The following RAPGEF2 variants were observed in gnomAD, a reference collection of about 807,000 sequenced individuals.
RAPGEF2 encodes the protein PDZ domain containing guanine nucleotide exchange factor (GEF) 1.
In RAPGEF2, 54 loss-of-function variants were observed where a neutral mutation model predicts 186.7. The ratio of observed to expected loss-of-function variants is 0.29; its 90% CI spans 0.23 to 0.36. RAPGEF2 has a LOEUF of 0.36. Ranked by LOEUF, RAPGEF2 falls within the 10% of genes least tolerant of loss-of-function variation. RAPGEF2 has a pLI of 1.00. For missense variants in RAPGEF2, 1,532 were observed against 2,045.0 expected, an observed-to-expected ratio of 0.75 and a Z score of 4.84; for synonymous variants, 712 against 705.9, an observed-to-expected ratio of 1.01 and a Z score of -0.14.
Position 159,241,379 on chromosome 4 carries a change from C to G in RAPGEF2, c.525+11C>G, listed in dbSNP as rs1183560588. On this transcript the variant is annotated intron_variant, in intron 6 of 29. Coordinates refer to ENST00000691494, the MANE Select transcript of RAPGEF2 (RefSeq NM_001394067.2). The stretch of plus-strand genomic sequence containing the variant: ...AGAGGCTATCACACGGTAAGTTATA[C>G]AAGTATAATATTTTTATTTATTTCT... The G allele has an allele frequency of 7.3e-7, 1 of 1,372,308 alleles. No individual in the cohort carries two copies. The highest frequency in any genetic ancestry group is 2.7e-5 in the East Asian group (1 of 37,474). 85.0% of individuals were successfully genotyped at this position (1,372,308 alleles called of 1,614,324 possible).
chr4:159,283,487 C>G (rs1760010297), intron 7 of RAPGEF2, among the ~76,000 whole-genome samples: 2 of 152,134 alleles, frequency 1.3e-5, no homozygotes, highest in East Asian at 1.9e-4. Flanking sequence ...TGTGAATTCA[C>G]TAGAATTTTA....
intron 7 of RAPGEF2, among the ~76,000 whole-genome samples, chr4:159,272,088 A>G (rs56111306): frequency 0.21 from 32,308 of 152,036 alleles, 3,601 homozygotes; most frequent in Admixed American, 0.26. Context: ...GTGTTCTACC[A>G]GAAGTCCTGA....
At chr4:159,202,646 G>A (rs1200543248) in intron 3 of RAPGEF2, among the ~76,000 whole-genome samples, 1 of 152,122 alleles carries the variant, frequency 6.6e-6, no homozygotes, top group Non-Finnish European at 1.5e-5. Flanking sequence ...TTGTTGCCCA[G>A]GCTGGAGTGC....
chr4:159,175,339 C>G (rs1253193407), intron 1 of RAPGEF2, among the ~76,000 whole-genome samples: 2 of 150,598 alleles, frequency 1.3e-5, no homozygotes, highest in African/African-American at 4.9e-5. Flanking sequence ...GATTTTTTTT[C>G]TTACATTGTT....
At chr4:159,356,271 C>G (rs1650835893) in intron 29 of RAPGEF2, 113 bp downstream of exon 29, 6 of 1,111,370 alleles carry the variant, frequency 5.4e-6, no homozygotes, top group Non-Finnish European at 7.6e-6. Flanking sequence ...TAACCATATA[C>G]TACACAAAGT....
Position 159,339,370 on chromosome 4 carries a change from C to A in RAPGEF2, c.2534+16C>A. The A allele has an allele frequency of 6.2e-7, 1 of 1,601,048 alleles. No individual in the cohort carries two copies. The highest frequency in any genetic ancestry group is 8.5e-7 in the Non-Finnish European group (1 of 1,170,716). ...TGAGTGGAAGGTATATATTATCTAC[C>A]TTACTGGATTTCTTTGTCCCCTCTT... On this transcript the variant is annotated intron_variant, in intron 19 of 29. Coordinates refer to ENST00000691494, the MANE Select transcript of RAPGEF2 (RefSeq NM_001394067.2).
chr4:159,357,574 T>C (rs1041735181), intron 29 of RAPGEF2, among the ~76,000 whole-genome samples: 9 of 152,034 alleles, frequency 5.9e-5, no homozygotes, highest in Non-Finnish European at 1.0e-4. Flanking sequence ...GACTGGGAGA[T>C]TGGGAGGCCG....
intron 7 of RAPGEF2, among the ~76,000 whole-genome samples, chr4:159,253,365 C>T (rs1368865916): frequency 6.6e-6 from 1 of 152,190 alleles, no homozygotes; most frequent in African/African-American, 2.4e-5. Flanking sequence ...ATGCATTGGT[C>T]ACTGGGTTAA....
intron 1 of RAPGEF2, among the ~76,000 whole-genome samples, chr4:159,143,985 T>A (rs1335915685): frequency 6.6e-6 from 1 of 152,204 alleles, no homozygotes; most frequent in East Asian, 1.9e-4. Flanking sequence ...GGTCTTTTTA[T>A]AATCTCTTTT....
At chr4:159,123,971 C>A (rs1233673817) in intron 1 of RAPGEF2, among the ~76,000 whole-genome samples, 1 of 151,800 alleles carries the variant, frequency 6.6e-6, no homozygotes, top group African/African-American at 2.4e-5. Flanking sequence ...TTCTTATGTC[C>A]CAGCCTCCCA....
chr4:159,319,870 G>A (rs899412013), intron 9 of RAPGEF2, among the ~76,000 whole-genome samples: 1 of 151,788 alleles, frequency 6.6e-6, no homozygotes, highest in Non-Finnish European at 1.5e-5. Context: ...ATGTCTACAC[G>A]AAGCACTTTA....
intron 1 of RAPGEF2, among the ~76,000 whole-genome samples, chr4:159,155,031 A>AT (rs2111201333): frequency 1.3e-5 from 2 of 152,274 alleles, no homozygotes; most frequent in East Asian, 3.9e-4. Flanking sequence ...AAGCAGTATT[A>AT]TAAAAATTTG....
chr4:159,257,751 T>C (rs1413318035), intron 7 of RAPGEF2, among the ~76,000 whole-genome samples: 1 of 152,202 alleles, frequency 6.6e-6, no homozygotes, highest in African/African-American at 2.4e-5. Context: ...GCAGTCTTAT[T>C]TCTGAGTTCT....
At chr4:159,200,076 TTTGTA>T (rs149294146) in intron 3 of RAPGEF2, among the ~76,000 whole-genome samples, 146 of 150,472 alleles carry the variant, frequency 9.7e-4, no homozygotes, top group Non-Finnish European at 1.6e-3. Context: ...ATATATATAG[TTTGTA>T]TTGGTGTTTT....
At chr4:159,246,072 G>C (rs1443167241) in intron 7 of RAPGEF2, among the ~76,000 whole-genome samples, 2 of 152,002 alleles carry the variant, frequency 1.3e-5, no homozygotes, top group Non-Finnish European at 2.9e-5. Context: ...GTTTCAGTCA[G>C]TACAAAAATT....
At chr4:159,328,887 T>A (rs984576353) in intron 11 of RAPGEF2, 5 of 152,114 alleles carry the variant, frequency 3.3e-5, no homozygotes, top group South Asian at 2.1e-4. Context: ...GTATCTTTTT[T>A]AAAAAATTAA....
chr4:159,173,902 A>G (rs1055005989), intron 1 of RAPGEF2, among the ~76,000 whole-genome samples: 1 of 152,254 alleles, frequency 6.6e-6, no homozygotes, highest in South Asian at 2.1e-4. Context: ...CTGAGAGTCT[A>G]TTAAAATAAG....
chr4:159,276,922 CTTTT>C (rs1027805874), intron 7 of RAPGEF2, among the ~76,000 whole-genome samples: 64 of 151,946 alleles, frequency 4.2e-4, no homozygotes, highest in African/African-American at 1.4e-3. Context: ...TAGGGACTAT[CTTTT>C]TTTAATTATT....
At chr4:159,336,656 T>C (rs200886262) in intron 17 of RAPGEF2, among the ~76,000 whole-genome samples, 1 of 152,206 alleles carries the variant, frequency 6.6e-6, no homozygotes, top group Admixed American at 6.6e-5. Flanking sequence ...CTTTTTCGTA[T>C]AATGTGAAAT....
Sources: gnomAD v4.1 joint callset for allele counts (sites outside exome capture counted in the v4.1 genomes callset) on GRCh38, gnomAD v4.1.1 for gene constraint, MANE v1.5 for transcripts, NCBI Gene and HGNC (gene_info 2026-07-23, HGNC 2026-07-21) for gene names.